TRIP12: variants seen among roughly 807,000 people sequenced by gnomAD.
TRIP12 encodes E3 ubiquitin-protein ligase TRIP12.
In TRIP12, 25 loss-of-function variants were observed where a neutral mutation model predicts 244.2. The observed-to-expected ratio is 0.10, with a 90% CI of 0.07 to 0.14. TRIP12 has a LOEUF of 0.14. Among genes scored for constraint, TRIP12 ranks in the 10% least tolerant of loss-of-function variants. The pLI, the probability that TRIP12 is intolerant of heterozygous loss-of-function variation, is 1.00. For synonymous variants in TRIP12, 905 were observed against 873.1 expected (o/e 1.04, Z -0.64); for missense variants, 1,677 against 2,486.4 (o/e 0.67, Z 6.92).
At chr2:229,911,171 T>A (rs182364376) in intron 1 of TRIP12, among the ~76,000 whole-genome samples, 13 of 152,364 alleles carry the variant, frequency 8.5e-5, no homozygotes, top group African/African-American at 3.1e-4. Flanking sequence ...AATATTTTTA[T>A]TCTAAAGTCC....
chr2:229,799,452 G>C, intron 21 of TRIP12, 69 bp from the exon 22 acceptor site: 2 of 1,429,450 alleles, frequency 1.4e-6, no homozygotes, highest in Non-Finnish European at 2.0e-6. Context: ...CACTGAAAAA[G>C]CAAACTAAAA....
rs531043608 is a variant in TRIP12, at chr2:229,916,180, T to C, written c.-50+5700A>G. On this transcript the variant is annotated intron_variant, in intron 1 of 41. Transcript: ENST00000675903. ...AAATGACAACTGACTCTACATTAGG[T>C]GGTAATAATCAAATTTTTCAGATTA... is the stretch of plus-strand genomic sequence containing the variant. 2.6e-5 allele frequency among the ~76,000 whole-genome samples: 4 copies of C among 152,206 alleles called. No homozygotes were observed. The South Asian group carries it at 8.3e-4, about 32-fold the overall frequency.
rs188414080 is a variant in TRIP12 at position 229,867,206 on chromosome 2, C to T, written c.99-6675G>A. ...TTTGAGACAGATACTCACTCTGTCA[C>T]CCAGGCTGAAGTGTAGTGGCATGAT... On this transcript the variant is annotated intron_variant, in intron 2 of 41. Transcript: ENST00000675903. 3.9e-4 allele frequency among the ~76,000 whole-genome samples: 55 copies of T among 139,304 alleles called. No individual in the cohort carries two copies. The East Asian group carries it at 0.011, about 28-fold the overall frequency. 91.4% of individuals were successfully genotyped at this position (139,304 alleles called of 152,430 possible).
intron 1 of TRIP12, among the ~76,000 whole-genome samples, chr2:229,883,750 T>C (rs190882012): frequency 8.5e-5 from 13 of 152,244 alleles, no homozygotes; most frequent in Non-Finnish European, 1.6e-4. Flanking sequence ...ACGACAATTT[T>C]AATCACAGAG....
In TRIP12 at chr2:229,917,380, C is replaced by CAAAAAAA. The variant is rs60397605; in HGVS notation, c.-50+4493_-50+4499dup. Reference sequence around the variant, plus strand: ...TGGGCAACAGAGCGAGACTCTGTCTCAAAAAAAAAAAAAAAAAAAAAAAAA... The same window carrying CAAAAAAA: ...TGGGCAACAGAGCGAGACTCTGTCTCAAAAAAAAAAAAAAAAAAAAAAAAAAAAAAAA... On this transcript the variant is annotated intron_variant, in intron 1 of 41. Coordinates refer to ENST00000675903, the MANE Select transcript of TRIP12 (RefSeq NM_001348323.3). Among the ~76,000 whole-genome samples, 251 of 29,264 alleles carry CAAAAAAA rather than the reference C, an allele frequency of 8.6e-3. 63 individuals are homozygous for CAAAAAAA. The highest frequency in any genetic ancestry group is 0.02 in the East Asian group (12 of 590). 19.2% of individuals were successfully genotyped at this position (29,264 alleles called of 152,430 possible).
chr2:229,819,365 C>T (rs76972981), intron 8 of TRIP12, among the ~76,000 whole-genome samples: 19,661 of 152,052 alleles, frequency 0.13, 1,577 homozygotes, highest in East Asian at 0.19. Flanking sequence ...GCCAACATGG[C>T]GAAACCGCAT....
At chr2:229,803,862 T>C in intron 19 of TRIP12, 137 bp downstream of exon 19, 1 of 870,116 alleles carries the variant, frequency 1.1e-6, no homozygotes, top group Non-Finnish European at 1.7e-6. Flanking sequence ...TATGTGAATA[T>C]AAATAGACAA....
At chr2:229,891,840 T>G in intron 1 of TRIP12, among the ~76,000 whole-genome samples, 1 of 152,138 alleles carries the variant, frequency 6.6e-6, no homozygotes, top group East Asian at 1.9e-4. Context: ...AAGAAATACT[T>G]GCACAAGTAA....
At chr2:229,786,456 GGC>G (rs2040045281) in intron 33 of TRIP12, among the ~76,000 whole-genome samples, 2 of 146,394 alleles carry the variant, frequency 1.4e-5, no homozygotes, top group Non-Finnish European at 3.0e-5. Flanking sequence ...GGAATGCAGT[GGC>G]GCAATCTCAG....
At chr2:229,880,237 T>G in intron 1 of TRIP12, 109 bp from the exon 2 acceptor site, 1 of 671,124 alleles carries the variant, frequency 1.5e-6, no homozygotes, top group Non-Finnish European at 2.5e-6. Flanking sequence ...ACTATCTGAT[T>G]TTACAGCCTT....
chr2:229,920,093 A>AGG (rs2154384282), intron 1 of TRIP12, among the ~76,000 whole-genome samples: 1 of 152,280 alleles, frequency 6.6e-6, no homozygotes, highest in South Asian at 2.1e-4. Flanking sequence ...CGACACACAC[A>AGG]GGCCTCATAT....
chr2:229,825,588 C>T (rs1356798722), intron 8 of TRIP12, among the ~76,000 whole-genome samples: 1 of 152,110 alleles, frequency 6.6e-6, no homozygotes, highest in Non-Finnish European at 1.5e-5. Flanking sequence ...TGAGTGCCAA[C>T]AGGGGAAATG....
intron 12 of TRIP12, 21 bp downstream of exon 12, chr2:229,814,212 C>A (rs1241454656): frequency 1.2e-6 from 2 of 1,608,564 alleles, no homozygotes; most frequent in Admixed American, 3.3e-5. Context: ...AAATGTAGTC[C>A]CCTTCAGTAA....
At chr2:229,767,846 C>A (rs983221570) in intron 41 of TRIP12, 96 bp from the exon 42 acceptor site, 2 of 1,213,508 alleles carry the variant, frequency 1.6e-6, no homozygotes, top group East Asian at 2.5e-5. Context: ...ATATTACACA[C>A]AAGATATTCT....
intron 1 of TRIP12, among the ~76,000 whole-genome samples, chr2:229,913,496 A>G (rs1483578535): frequency 3.9e-5 from 6 of 152,260 alleles, no homozygotes; most frequent in Non-Finnish European, 8.8e-5. Context: ...TCATCTACTA[A>G]TAAACATCAT....
intron 8 of TRIP12, among the ~76,000 whole-genome samples, chr2:229,826,402 A>G (rs1455668467): frequency 3.3e-5 from 5 of 152,184 alleles, no homozygotes; most frequent in African/African-American, 9.7e-5. Context: ...GAAATAAATT[A>G]TGATATTGAG....
chr2:229,802,951 A>T (rs1295646174), intron 20 of TRIP12, among the ~76,000 whole-genome samples: 2 of 151,946 alleles, frequency 1.3e-5, no homozygotes, highest in African/African-American at 4.8e-5. Flanking sequence ...GTGTAAAGAG[A>T]GCTAAACATT....
At chr2:229,863,762 T>C (rs748360584) in intron 2 of TRIP12, among the ~76,000 whole-genome samples, 1 of 152,218 alleles carries the variant, frequency 6.6e-6, no homozygotes, top group East Asian at 1.9e-4. Context: ...CATCACAGTA[T>C]TCAGAGGTAA....
intron 21 of TRIP12, among the ~76,000 whole-genome samples, chr2:229,801,084 T>C (rs2044207975): frequency 1.3e-5 from 2 of 151,806 alleles, no homozygotes; most frequent in South Asian, 2.1e-4. Context: ...CAGCAGCTAG[T>C]GGGTAGGAAT....
Sources: gnomAD v4.1 joint callset for allele counts (sites outside exome capture counted in the v4.1 genomes callset) on GRCh38, gnomAD v4.1.1 for gene constraint, MANE v1.5 for transcripts, NCBI Gene and HGNC (gene_info 2026-07-23, HGNC 2026-07-21) for gene names.